The following RPL36A variants were observed in gnomAD, a reference collection of about 807,000 sequenced individuals.
RPL36A encodes the protein ribosomal protein L36a.
For missense variants in RPL36A, 20 were observed against 81.0 expected (o/e 0.25, Z 2.89); for synonymous variants, 25 against 28.5 (o/e 0.88, Z 0.39).
At chrX:101,393,996 A>G (rs1555983883) in intron 3 of RPL36A, 1 of 112,310 alleles carries the variant, frequency 8.9e-6, no homozygotes, top group African/African-American at 3.2e-5. Flanking sequence ...TTTTTGGTAA[A>G]TAGAAAACTT....
Position 101,391,828 on chromosome X carries a change from T to A in RPL36A, c.177+6T>A, listed in dbSNP as rs1927817131. The A allele has an allele frequency of 8.3e-7, 1 of 1,204,204 alleles. No homozygotes were observed. Among genetic ancestry groups the A allele is most frequent in the Non-Finnish European group, 1.1e-6 (1 of 893,278 alleles). ...AGCCGATTTTCCGGAAAAAGGTGAG[T>A]GGTAGTTACTATTTGACGTTTCCCA... On this transcript the variant is annotated splice_donor_region_variant and intron_variant, in intron 3 of 4. Transcript: ENST00000553110.
At chrX:101,391,845 C>T in intron 3 of RPL36A, 23 bp downstream of exon 3, 3 of 1,204,604 alleles carry the variant, frequency 2.5e-6, no homozygotes, top group Non-Finnish European at 3.4e-6. Flanking sequence ...TACTATTTGA[C>T]GTTTCCCAGT....
chrX:101,392,616 A>C (rs781794883), intron 3 of RPL36A: 3 of 752,569 alleles, frequency 4.0e-6, no homozygotes, highest in African/African-American at 2.3e-5. Flanking sequence ...CAGCAGCAGA[A>C]CTCTGGCTAA....
intron 1 of RPL36A, 167 bp downstream of exon 1, chrX:101,391,213 A>G (rs902682658): frequency 1.1e-5 from 7 of 630,648 alleles, no homozygotes; most frequent in Admixed American, 3.1e-5. Flanking sequence ...GGGGCCAGGA[A>G]TTGAAGTGAT....
At chrX:101,393,968 C>G (rs1221637186) in intron 3 of RPL36A, 1 of 112,444 alleles carries the variant, frequency 8.9e-6, no homozygotes, top group African/African-American at 3.2e-5. Context: ...TATAAGAACT[C>G]TGTAGCATGT....
At chrX:101,395,536 A>G in intron 4 of RPL36A, 79 bp downstream of exon 4, 1 of 1,158,542 alleles carries the variant, frequency 8.6e-7, no homozygotes, top group Non-Finnish European at 1.2e-6. Flanking sequence ...TCATTGTGGC[A>G]TAGAGCTCAG....
chrX:101,391,109 G>C (rs1927780996), intron 1 of RPL36A, 63 bp downstream of exon 1: 1 of 1,142,852 alleles, frequency 8.8e-7, no homozygotes. Context: ...TTCGTCGCCC[G>C]TGCTATGCCG....
chrX:101,395,940 A>T lies in RPL36A; in HGVS notation c.*192A>T, dbSNP rs376445063. 2 of 423,726 alleles carry T rather than the reference A, an allele frequency of 4.7e-6. No homozygotes were observed. The highest frequency in any genetic ancestry group is 8.0e-6 in the Non-Finnish European group (2 of 251,106). 34.9% of individuals were successfully genotyped at this position (423,726 alleles called of 1,213,427 possible). A position where few individuals can be genotyped will look rare whatever the true frequency, so the allele number is the denominator to read the frequency against. On this transcript the variant is annotated 3_prime_UTR_variant, in exon 5 of 5. Transcript: ENST00000553110. Reference sequence around the variant, plus strand: ...GGTTGAGTTCACATCATATGTTGCAATTTTCTAATTTGGCACTTCAATCAC... The same window carrying T: ...GGTTGAGTTCACATCATATGTTGCATTTTTCTAATTTGGCACTTCAATCAC...
intron 3 of RPL36A, chrX:101,392,591 A>T (rs1480868428): frequency 1.3e-6 from 1 of 752,902 alleles, no homozygotes; most frequent in Non-Finnish European, 1.6e-6. Context: ...TGGCCTATTA[A>T]GAACTGCAAA....
intron 3 of RPL36A, chrX:101,393,522 A>G (rs1266830619): frequency 8.9e-6 from 1 of 112,544 alleles, no homozygotes; most frequent in Non-Finnish European, 1.9e-5. Flanking sequence ...GAAAAAATGC[A>G]ATAAAACTTT....
Position 101,391,334 on chromosome X carries a change from C to T in RPL36A, c.4-125C>T, listed in dbSNP as rs782725714. On this transcript the variant is annotated intron_variant, in intron 1 of 4. Coordinates refer to ENST00000553110, the MANE Select transcript of RPL36A (RefSeq NM_021029.6). ...TTGAAGCACATGGGGCTGGCCCACCCTGTAGTCAGAGGTAGCAAGTAATGA... is the reference window on the plus strand; with the variant it reads ...TTGAAGCACATGGGGCTGGCCCACCTTGTAGTCAGAGGTAGCAAGTAATGA... 137 of 867,479 alleles carry T rather than the reference C, an allele frequency of 1.6e-4. 1 individual carries two copies. In the African/African-American group the frequency reaches 2.5e-3, roughly 16 times the overall value. 71.5% of individuals were successfully genotyped at this position (867,479 alleles called of 1,213,427 possible).
At chrX:101,391,383 C>T in intron 1 of RPL36A, 76 bp from the exon 2 acceptor site, 2 of 1,150,247 alleles carry the variant, frequency 1.7e-6, no homozygotes, top group Non-Finnish European at 2.4e-6. Flanking sequence ...AGTGCCTCAG[C>T]TTTAGCTGGG....
rs1928007272 is a variant in RPL36A at position 101,395,874 on chromosome X, T to C, written c.*126T>C. ...ACAATTCCGCTTGTGGGGAAATTTA[T>C]GCCTCTTACTGGTACTACTTGTTTT... On this transcript the variant is annotated 3_prime_UTR_variant, in exon 5 of 5. Transcript: ENST00000553110. The C allele has an allele frequency of 1.7e-6, 1 of 604,019 alleles. No homozygotes were observed. The highest frequency in any genetic ancestry group is 2.6e-6 in the Non-Finnish European group (1 of 389,688). The allele number at this position is 604,019 out of a possible 1,213,427, so 49.8% of individuals were successfully genotyped here. A position where few individuals can be genotyped will look rare whatever the true frequency, so the allele number is the denominator to read the frequency against.
chrX:101,395,633 A>G (rs1377404343), intron 4 of RPL36A, 95 bp from the exon 5 acceptor site: 2 of 1,109,427 alleles, frequency 1.8e-6, no homozygotes, highest in East Asian at 6.0e-5. Flanking sequence ...GAGGCAGCTT[A>G]ACAGCATGGT....
intron 1 of RPL36A, 111 bp from the exon 2 acceptor site, chrX:101,391,348 A>G: frequency 1.1e-6 from 1 of 928,691 alleles, no homozygotes; most frequent in Non-Finnish European, 1.5e-6. Context: ...AGTCAGAGGT[A>G]GCAAGTAATG....
chrX:101,395,318 A>C lies in RPL36A; in HGVS notation c.178-17A>C, dbSNP rs1927985510. ...TCTGTAGTTATTTATTAAGGCTTTA[A>C]TTTAATTTTTTTTCAGGCTAAAACT... On this transcript the variant is annotated splice_polypyrimidine_tract_variant and intron_variant, in intron 3 of 4. Transcript: ENST00000553110. The C allele has an allele frequency of 2.9e-5, 34 of 1,178,538 alleles. No homozygotes were observed. The highest frequency in any genetic ancestry group is 3.8e-5 in the Non-Finnish European group (34 of 883,259).
chrX:101,391,557 C>T lies in RPL36A; in HGVS notation c.102C>T (p.Tyr34=), dbSNP rs1555983421. Residue 34 remains tyrosine (Y), a synonymous_variant, in exon 2 of 5, where the codon TAC becomes TAT. Transcript: ENST00000553110. ...ACAAGAAGGGCAAGGATTCTCTGTA[C>T]GCCCAGGGTAAGATGGATTCCGCAT... The part of the protein sequence containing the change: ...TQYKKGKDSL[Y]AQGKRRYDRK... The T allele has an allele frequency of 9.9e-6, 12 of 1,209,735 alleles. No homozygotes were observed. Among genetic ancestry groups the T allele is most frequent in the Non-Finnish European group, 1.3e-5 (12 of 894,876 alleles).
At chrX:101,391,200 T>C (rs1408996196) in intron 1 of RPL36A, 154 bp downstream of exon 1, 15 of 682,291 alleles carry the variant, frequency 2.2e-5, no homozygotes, top group Non-Finnish European at 2.7e-5. Flanking sequence ...GGGACCGGGC[T>C]ACGGGGCCAG....
chrX:101,395,999 A>G lies in RPL36A; in HGVS notation c.*251A>G. ...TTATGAGGCAGTTTGTCATTATGCA[A>G]TGGTTATTGGTTATCATGTGAGTAG... On this transcript the variant is annotated 3_prime_UTR_variant, in exon 5 of 5. Coordinates refer to ENST00000553110, the MANE Select transcript of RPL36A (RefSeq NM_021029.6). 8.0e-6 allele frequency: 3 copies of G among 377,230 alleles called. No homozygotes were observed. The highest frequency in any genetic ancestry group is 1.0e-4 in the South Asian group (2 of 19,166). The allele number at this position is 377,230 out of a possible 1,213,427, so 31.1% of individuals were successfully genotyped here.
Sources: allele counts gnomAD v4.1 joint callset, GRCh38; gene constraint gnomAD v4.1.1; transcripts MANE v1.5; gene names NCBI Gene and HGNC (gene_info 2026-07-23, HGNC 2026-07-21).